BEND4: variants seen among roughly 807,000 people sequenced by gnomAD.
BEND4 encodes BEN domain-containing protein 4.
BEND4 carries 27 observed loss-of-function variants against 54.7 expected under a neutral mutation model. The observed-to-expected ratio is 0.49, with a 90% CI of 0.36 to 0.68. The LOEUF (loss-of-function observed/expected upper bound fraction) is 0.68, where lower values mean the gene tolerates loss of function less well. BEND4 is among the 30% of genes least tolerant of loss of function. The pLI, the probability that BEND4 is intolerant of heterozygous loss-of-function variation, is 0.00. For missense variants in BEND4, 702 were observed against 697.2 expected (o/e 1.01, Z -0.08); for synonymous variants, 327 against 299.5 (o/e 1.09, Z -0.95).
In BEND4 at chr4:42,113,153, A is replaced by C. The variant is rs990169460; in HGVS notation, c.*4365T>G. The C allele has an allele frequency of 6.6e-6, 1 of 152,226 alleles. No homozygotes were observed. The highest frequency in any genetic ancestry group is 2.4e-5 in the African/African-American group (1 of 41,460). The allele number at this position is 152,226 out of a possible 1,614,324, so 9.4% of individuals were successfully genotyped here. On this transcript the variant is annotated 3_prime_UTR_variant, in exon 6 of 6. Transcript: ENST00000502486. ...AACATACACCAGCAAGACTTGCACC[A>C]TATGTGCAAAATCATTTTCTATTAC...
At chr4:42,145,943 A>G (rs1721067350) in intron 2 of BEND4, among the ~76,000 whole-genome samples, 1 of 152,176 alleles carries the variant, frequency 6.6e-6, no homozygotes, top group East Asian at 1.9e-4. Flanking sequence ...ATCTTAGTTT[A>G]TAGCATTTTC....
chr4:42,127,862 T>C (rs1720345388), intron 3 of BEND4, among the ~76,000 whole-genome samples: 2 of 152,202 alleles, frequency 1.3e-5, no homozygotes. Flanking sequence ...CTCACCCATA[T>C]TTTAGAGTCA....
intron 3 of BEND4, among the ~76,000 whole-genome samples, chr4:42,131,734 C>G (rs1720514785): frequency 6.6e-6 from 1 of 152,094 alleles, no homozygotes; most frequent in African/African-American, 2.4e-5. Flanking sequence ...ACATTGATAC[C>G]TGGGCACAGG....
At chr4:42,126,751 C>A (rs922421313) in intron 3 of BEND4, among the ~76,000 whole-genome samples, 1 of 152,120 alleles carries the variant, frequency 6.6e-6, no homozygotes, top group Non-Finnish European at 1.5e-5. Flanking sequence ...GTGGCTTACA[C>A]CTGTAATCCC....
At chr4:42,128,244 T>C (rs1720360824) in intron 3 of BEND4, among the ~76,000 whole-genome samples, 1 of 152,244 alleles carries the variant, frequency 6.6e-6, no homozygotes, top group Admixed American at 6.5e-5. Context: ...AATATCATAC[T>C]GAATGTGCAA....
chr4:42,151,669 C>G lies in BEND4; in HGVS notation c.475G>C (p.Glu159Gln), dbSNP rs1241909580. The G allele has an allele frequency of 7.3e-6, 11 of 1,501,104 alleles. No homozygotes were observed. Among genetic ancestry groups the G allele is most frequent in the Non-Finnish European group, 8.9e-6 (10 of 1,128,772 alleles). 93.0% of individuals were successfully genotyped at this position (1,501,104 alleles called of 1,614,324 possible). A position where few individuals can be genotyped will look rare whatever the true frequency, so the allele number is the denominator to read the frequency against. Residue 159 changes from glutamate (E) to glutamine (Q), a missense_variant, in exon 2 of 6, where the codon GAG becomes CAG. Physicochemically the swap from Glu to Gln is conservative, Grantham distance 29 (BLOSUM62 2). Transcript: ENST00000502486. ...GGAGAGTTGGTACCTGCGCTGAGCT[C>G]CAGGCTGGCGCTGTCGCTACCCGTG... ...GGTGSDSASL[E>Q]LSAESRMILD...
Position 42,138,881 on chromosome 4 carries a change from G to A in BEND4, c.1054+4547C>T, listed in dbSNP as rs182557661. 5.3e-5 allele frequency among the ~76,000 whole-genome samples: 8 copies of A among 152,222 alleles called. No individual in the cohort carries two copies. In the East Asian group the frequency reaches 1.5e-3, roughly 29 times the overall value. ...CACATTTAGTATCTATGGACTTTGT[G>A]TTCAAAGATAATTATTATGTACAAT... On this transcript the variant is annotated intron_variant, in intron 3 of 5. Coordinates refer to ENST00000502486, the MANE Select transcript of BEND4 (RefSeq NM_207406.4).
chr4:42,143,540 C>T lies in BEND4; in HGVS notation c.942G>A (p.Glu314=). The change falls in exon 3 of 6, where the codon GAG becomes GAA. Residue 314 remains glutamate, a synonymous_variant. Transcript: ENST00000502486. The part of the protein sequence containing the change: ...HPSSSTLPEE[E]EEEDEEGYCP... ...AATAGCCTTCCTCGTCCTCCTCCTCCTCCTCTTCTGGCAGTGTAGATGAAG... is the reference window on the plus strand; with the variant it reads ...AATAGCCTTCCTCGTCCTCCTCCTCTTCCTCTTCTGGCAGTGTAGATGAAG... The T allele has an allele frequency of 1.9e-6, 3 of 1,557,016 alleles. No homozygotes were observed. The highest frequency in any genetic ancestry group is 2.6e-6 in the Non-Finnish European group (3 of 1,149,938).
At chr4:42,121,101 C>T (rs1720042100) in intron 4 of BEND4, among the ~76,000 whole-genome samples, 2 of 152,110 alleles carry the variant, frequency 1.3e-5, no homozygotes, top group South Asian at 2.1e-4. Flanking sequence ...AATTAATTAA[C>T]CCATGATCTT....
At chr4:42,149,887 A>C (rs964222441) in intron 2 of BEND4, among the ~76,000 whole-genome samples, 1 of 152,174 alleles carries the variant, frequency 6.6e-6, no homozygotes, top group African/African-American at 2.4e-5. Context: ...GAAGGGGGTA[A>C]ATTTACAGTG....
chr4:42,141,015 G>C (rs1204855577), intron 3 of BEND4, among the ~76,000 whole-genome samples: 1 of 151,530 alleles, frequency 6.6e-6, no homozygotes, highest in Non-Finnish European at 1.5e-5. Context: ...ACAGCTGTGA[G>C]ACTTGTAAAA....
chr4:42,151,579 C>A, intron 2 of BEND4, 78 bp downstream of exon 2: 9 of 1,366,336 alleles, frequency 6.6e-6, no homozygotes, highest in Non-Finnish European at 8.5e-6. Flanking sequence ...TGTCGGCGGC[C>A]CCCCGCTTCT....
Position 42,152,116 on chromosome 4 carries a change from C to T in BEND4, c.28G>A (p.Glu10Lys), listed in dbSNP as rs1464568235. Residue 10 changes from glutamate to lysine, a missense_variant, in exon 2 of 6, where the codon GAG becomes AAG. Coordinates refer to ENST00000502486, the MANE Select transcript of BEND4 (RefSeq NM_207406.4). MEEEMQPAE[E>K]GPSVPKIYKQ... ...TAGATTTTGGGGACGCTGGGCCCCT[C>T]CTCTGCCGGCTGCATCTCTTCCTCC... 2 of 1,246,978 alleles carry T rather than the reference C, an allele frequency of 1.6e-6. No individual in the cohort carries two copies. Among genetic ancestry groups the T allele is most frequent in the East Asian group, 3.2e-5 (1 of 31,602 alleles). 77.2% of individuals were successfully genotyped at this position (1,246,978 alleles called of 1,614,324 possible).
chr4:42,143,786 C>G lies in BEND4; in HGVS notation c.696G>C (p.Glu232Asp), dbSNP rs761239902. The G allele has an allele frequency of 2.5e-6, 4 of 1,611,712 alleles. No homozygotes were observed. Among genetic ancestry groups the G allele is most frequent in the Non-Finnish European group, 3.4e-6 (4 of 1,178,722 alleles). ...GTTGTTTCCTTTGCATATACTGCAT[C>G]TCTATGTCTACATTGTCTGAGGTCT... is the stretch of plus-strand genomic sequence containing the variant. ...HSQTSDNVDI[E>D]MQYMQRKQQT... Residue 232 changes from glutamate (E) to aspartate (D), a missense_variant, in exon 3 of 6, where the codon GAG becomes GAC. By Grantham distance (45) the Glu-to-Asp change is conservative. Coordinates refer to ENST00000502486, the MANE Select transcript of BEND4 (RefSeq NM_207406.4).
At chr4:42,129,954 CAACA>C (rs1368065444) in intron 3 of BEND4, among the ~76,000 whole-genome samples, 1 of 152,080 alleles carries the variant, frequency 6.6e-6, no homozygotes, top group East Asian at 1.9e-4. Flanking sequence ...TTATCAGAGT[CAACA>C]AACAATCTAC....
intron 2 of BEND4, 60 bp downstream of exon 2, chr4:42,151,575 CGGCCCCCCGCTTCTCCTTCCTG>C: frequency 1.5e-6 from 2 of 1,345,814 alleles, no homozygotes; most frequent in Non-Finnish European, 1.9e-6. Context: ...TAAGTGTCGG[CGGCCCCCCGCTTCTCCTTCCTG>C]GGTCCCCTCC....
At position 42,114,959 on chromosome 4, in the gene BEND4, C is replaced by G. The variant is rs370287681; in HGVS notation, c.*2559G>C. Reference sequence around the variant, plus strand: ...AGACGCTAGGCTTGGCTAAAGGAACCCAGCAGATACACAAACAGTAGAAGT... The same window carrying G: ...AGACGCTAGGCTTGGCTAAAGGAACGCAGCAGATACACAAACAGTAGAAGT... On this transcript the variant is annotated 3_prime_UTR_variant, in exon 6 of 6. Transcript: ENST00000502486. 6.6e-6 allele frequency: 1 copy of G among 152,252 alleles called. No homozygotes were observed. The highest frequency in any genetic ancestry group is 1.5e-5 in the Non-Finnish European group (1 of 68,090). The allele number at this position is 152,252 out of a possible 1,614,324, so 9.4% of individuals were successfully genotyped here.
At chr4:42,125,248 G>A (rs894837928) in intron 4 of BEND4, among the ~76,000 whole-genome samples, 1 of 152,196 alleles carries the variant, frequency 6.6e-6, no homozygotes, top group Non-Finnish European at 1.5e-5. Flanking sequence ...CCCAGAGTGA[G>A]GGGCATGTGG....
chr4:42,151,597 G>C, intron 2 of BEND4, 60 bp downstream of exon 2: 1 of 1,408,230 alleles, frequency 7.1e-7, no homozygotes. Flanking sequence ...TCTCCTTCCT[G>C]GGTCCCCTCC....
Sources: gnomAD v4.1 joint callset for allele counts (sites outside exome capture counted in the v4.1 genomes callset) on GRCh38, gnomAD v4.1.1 for gene constraint, MANE v1.5 for transcripts, NCBI Gene and HGNC (gene_info 2026-07-23, HGNC 2026-07-21) for gene names.